Variants in ARFGAP3 observed in about 807,000 individuals in gnomAD.
The protein encoded by ARFGAP3 is ADP-ribosylation factor GTPase-activating protein 3.
A neutral mutation model predicts 75.0 loss-of-function variants in ARFGAP3; 72 were observed. The observed-to-expected ratio is 0.96, with a 90% CI of 0.79 to 1.17. ARFGAP3 has a LOEUF of 1.17. ARFGAP3 is among the 50% of genes most tolerant of loss of function. ARFGAP3 has a pLI of 0.00. For synonymous variants in ARFGAP3, 221 were observed against 217.9 expected (o/e 1.01, Z -0.13); for missense variants, 620 against 626.6 (o/e 0.99, Z 0.11).
rs181969116 is a variant in ARFGAP3, at chr22:42,842,289, G to T, written c.189-1273C>A. Among the ~76,000 whole-genome samples the T allele has an allele frequency of 6.3e-4, 92 of 147,158 alleles. 1 individual carries two copies. The highest frequency in any genetic ancestry group is 2.2e-3 in the African/African-American group (88 of 39,744). ...CAAAGTACTGTGATTACAGGCATGA[G>T]CCACCGTGCCTGGCCTTTTTTTTTT... On this transcript the variant is annotated intron_variant, in intron 2 of 15. Transcript: ENST00000263245.
At position 42,810,890 on chromosome 22, in the gene ARFGAP3, G is replaced by A. The variant is rs749903217; in HGVS notation, c.1119C>T (p.Asp373=). Residue 373 remains aspartate, a synonymous_variant, in exon 12 of 16, where the codon GAC becomes GAT. Coordinates refer to ENST00000263245, the MANE Select transcript of ARFGAP3 (RefSeq NM_014570.5). ...CTTTTTTCCAATAGGAATCTGAACTGTCATCCCAGCTAGAGAAAGAACTGC... is the reference window on the plus strand; with the variant it reads ...CTTTTTTCCAATAGGAATCTGAACTATCATCCCAGCTAGAGAAAGAACTGC... ...LRSSSFSSWD[D]SSDSYWKKET... is the part of the protein sequence containing the mutation. 5.0e-6 allele frequency: 8 copies of A among 1,614,162 alleles called. No homozygotes were observed. In the South Asian group the frequency reaches 8.8e-5, roughly 18 times the overall value.
intron 14 of ARFGAP3, among the ~76,000 whole-genome samples, chr22:42,799,756 C>T (rs989526015): frequency 3.9e-5 from 6 of 152,280 alleles, no homozygotes; most frequent in East Asian, 1.9e-4. Context: ...TCTGTGACTA[C>T]GACTGCCCCT....
intron 7 of ARFGAP3, 38 bp from the exon 8 acceptor site, chr22:42,823,740 A>T: frequency 6.8e-7 from 1 of 1,475,952 alleles, no homozygotes; most frequent in African/African-American, 1.4e-5. Flanking sequence ...AGACCAATAG[A>T]AATAATTTTT....
At chr22:42,844,490 CAGG>C (rs1326821908) in intron 2 of ARFGAP3, among the ~76,000 whole-genome samples, 1 of 151,112 alleles carries the variant, frequency 6.6e-6, no homozygotes, top group Non-Finnish European at 1.5e-5. Flanking sequence ...GAGGCTGAAG[CAGG>C]AGAATTGCTT....
chr22:42,852,077 T>TA (rs1045539268), intron 1 of ARFGAP3, among the ~76,000 whole-genome samples: 1 of 152,040 alleles, frequency 6.6e-6, no homozygotes, highest in Non-Finnish European at 1.5e-5. Context: ...ATTCTTTTTT[T>TA]TTTTTTTTGA....
At chr22:42,826,437 T>A (rs1207463570) in intron 7 of ARFGAP3, among the ~76,000 whole-genome samples, 4 of 151,748 alleles carry the variant, frequency 2.6e-5, no homozygotes, top group Non-Finnish European at 5.9e-5. Context: ...CAGAGTGCAG[T>A]GGTGTGATCA....
In ARFGAP3 at chr22:42,844,607, A is replaced by G. The variant is rs1926931001; in HGVS notation, c.188+2907T>C. 1.3e-5 allele frequency among the ~76,000 whole-genome samples: 2 copies of G among 151,372 alleles called. 1 individual carries two copies. Among genetic ancestry groups the G allele is most frequent in the South Asian group, 4.2e-4 (2 of 4,798 alleles). On this transcript the variant is annotated intron_variant, in intron 2 of 15. Transcript: ENST00000263245. Reference sequence around the variant, plus strand: ...CTCAAAGGAAAAAAAAAAAAAAAAAATAAAAAACCCAAAAAACTCCCAAGC... The same window carrying G: ...CTCAAAGGAAAAAAAAAAAAAAAAAGTAAAAAACCCAAAAAACTCCCAAGC...
In ARFGAP3 at chr22:42,836,130, G is replaced by T. The variant is rs145364416; in HGVS notation, c.262-637C>A. On this transcript the variant is annotated intron_variant, in intron 3 of 15. Transcript: ENST00000263245. ...CCCAAATAGCTGGGACTACAGGTGT[G>T]TGCCACCACGCCTGGCTAATTTTTG... 1.6e-3 allele frequency among the ~76,000 whole-genome samples: 240 copies of T among 151,888 alleles called. 3 individuals carry two copies. The highest frequency in any genetic ancestry group is 2.6e-3 in the Admixed American group (39 of 15,236).
chr22:42,827,611 C>A (rs1355916187), intron 6 of ARFGAP3, among the ~76,000 whole-genome samples: 1 of 152,222 alleles, frequency 6.6e-6, no homozygotes, highest in African/African-American at 2.4e-5. Flanking sequence ...GGTGGTCCAC[C>A]CGCCTTGGCC....
intron 3 of ARFGAP3, among the ~76,000 whole-genome samples, chr22:42,837,960 C>A (rs1225263213): frequency 6.6e-6 from 1 of 151,312 alleles, no homozygotes; most frequent in East Asian, 1.9e-4. Context: ...GTAGGAGCAA[C>A]CATGCCTGGC....
chr22:42,824,552 AG>A (rs1243409716), intron 7 of ARFGAP3, among the ~76,000 whole-genome samples: 2 of 140,072 alleles, frequency 1.4e-5, no homozygotes, highest in Non-Finnish European at 3.1e-5. Flanking sequence ...TGTAGACATC[AG>A]GGGAGCTCAC....
chr22:42,805,521 G>A (rs1342888663), intron 14 of ARFGAP3, among the ~76,000 whole-genome samples: 1 of 152,078 alleles, frequency 6.6e-6, no homozygotes, highest in Admixed American at 6.5e-5. Flanking sequence ...CTCTGCCAGG[G>A]GTGGTCACAA....
chr22:42,852,306 G>A (rs940295363), intron 1 of ARFGAP3, among the ~76,000 whole-genome samples: 10 of 149,936 alleles, frequency 6.7e-5, no homozygotes, highest in African/African-American at 2.5e-4. Context: ...CTATTCATCT[G>A]CCTCGGCCTC....
chr22:42,820,686 A>G (rs761667429), intron 9 of ARFGAP3, among the ~76,000 whole-genome samples: 2 of 152,196 alleles, frequency 1.3e-5, no homozygotes, highest in African/African-American at 2.4e-5. Flanking sequence ...AAAAACACAC[A>G]CATAAAAAAT....
chr22:42,841,150 A>G (rs1367119979), intron 2 of ARFGAP3, 134 bp from the exon 3 acceptor site: 3 of 1,450,456 alleles, frequency 2.1e-6, no homozygotes, highest in Admixed American at 5.3e-5. Flanking sequence ...AAGGACCCAC[A>G]CTTTTGGGAT....
At chr22:42,850,167 A>G (rs1209780285) in intron 1 of ARFGAP3, among the ~76,000 whole-genome samples, 1 of 152,136 alleles carries the variant, frequency 6.6e-6, no homozygotes, top group African/African-American at 2.4e-5. Flanking sequence ...CCCATAAAAT[A>G]CACAGTGCTT....
chr22:42,811,428 CTT>C (rs1925362312), intron 11 of ARFGAP3, among the ~76,000 whole-genome samples: 1 of 152,246 alleles, frequency 6.6e-6, no homozygotes, highest in African/African-American at 2.4e-5. Context: ...ATTTCACTGT[CTT>C]TAGGTCTCAT....
chr22:42,853,859 C>T, intron 1 of ARFGAP3: 1 of 181,568 alleles, frequency 5.5e-6, no homozygotes. Context: ...TCATCAAAGG[C>T]AAGTTGTTCT....
In ARFGAP3 at chr22:42,827,132, T is replaced by G. The variant is rs371990827; in HGVS notation, c.566-133A>C. The G allele has an allele frequency of 5.2e-6, 7 of 1,351,782 alleles. No homozygotes were observed. The East Asian group carries it at 1.4e-4, about 26-fold the overall frequency. 83.7% of individuals were successfully genotyped at this position (1,351,782 alleles called of 1,614,324 possible). On this transcript the variant is annotated intron_variant, in intron 6 of 15. Coordinates refer to ENST00000263245, the MANE Select transcript of ARFGAP3 (RefSeq NM_014570.5). ...CAATGATCACCTACCTTTTTAGCTG[T>G]ATATTCTATTTTAACGTTATAAGAA... is the stretch of plus-strand genomic sequence containing the variant.
Sources: gnomAD v4.1 joint callset for allele counts (sites outside exome capture counted in the v4.1 genomes callset) on GRCh38, gnomAD v4.1.1 for gene constraint, MANE v1.5 for transcripts, NCBI Gene and HGNC (gene_info 2026-07-23, HGNC 2026-07-21) for gene names.